Variants in KLRG1 observed in about 807,000 individuals in gnomAD.
KLRG1 encodes killer cell lectin like receptor G1, also known as killer cell lectin-like receptor subfamily G member 1.
A neutral mutation model predicts 21.8 loss-of-function variants in KLRG1; 16 were observed. The ratio of observed to expected loss-of-function variants is 0.73; its 90% CI spans 0.50 to 1.11. The LOEUF is 1.11. KLRG1 is among the 50% of genes most tolerant of loss of function. The pLI is 0.00. For missense variants in KLRG1, 173 were observed against 218.3 expected (o/e 0.79, Z 1.31); for synonymous variants, 69 against 75.9 (o/e 0.91, Z 0.47).
At chr12:9,099,550 G>A in the KLRG1 span, 2 of 1,577,342 alleles carry the variant, frequency 1.3e-6, no homozygotes, top group South Asian at 2.3e-5. Flanking sequence ...ATGAGAGGAA[G>A]CCATCATAGG....
the KLRG1 span, chr12:9,202,821 G>T: frequency 1.2e-6 from 1 of 810,082 alleles, no homozygotes; most frequent in East Asian, 2.6e-5. Context: ...TCAGACATAA[G>T]AGTGACGATA....
At chr12:9,182,219 A>T in the KLRG1 span, 1 of 1,115,726 alleles carries the variant, frequency 9.0e-7, no homozygotes, top group Non-Finnish European at 1.2e-6. Flanking sequence ...TCCACTTGAG[A>T]ACTGCGTCCA....
upstream of KLRG1, chr12:8,989,482 C>T: frequency 3.5e-6 from 2 of 579,242 alleles, no homozygotes. Context: ...ATAGGCAGCC[C>T]CCAAATTTGA....
chr12:9,037,167 T>C, the KLRG1 span: 1 of 155,714 alleles, frequency 6.4e-6, no homozygotes, highest in Non-Finnish European at 1.4e-5. Flanking sequence ...GCTTGCACTT[T>C]CTGCTCTGCT....
chr12:9,128,141 A>T, the KLRG1 span: 7 of 189,374 alleles, frequency 3.7e-5, no homozygotes, highest in Non-Finnish European at 7.9e-5. Context: ...TCACCTGGAG[A>T]AGAACCACAA....
At chr12:9,208,241 G>A in the KLRG1 span, 1 of 1,600,142 alleles carries the variant, frequency 6.2e-7, no homozygotes, top group Non-Finnish European at 8.6e-7. Flanking sequence ...GGAGGAAGGG[G>A]TCTTGAGTGA....
the KLRG1 span, chr12:9,201,257 G>T: frequency 1.4e-6 from 2 of 1,380,878 alleles, no homozygotes; most frequent in Non-Finnish European, 2.0e-6. Context: ...CATCTGTCTA[G>T]AGTATTATCA....
At chr12:9,202,029 G>A in the KLRG1 span, among the ~76,000 whole-genome samples, 1 of 152,080 alleles carries the variant, frequency 6.6e-6, no homozygotes, top group Non-Finnish European at 1.5e-5. Flanking sequence ...AGTATGAATA[G>A]GAATAGTGCC....
At chr12:9,106,287 TGA>T in the KLRG1 span, 1 of 1,607,732 alleles carries the variant, frequency 6.2e-7, no homozygotes, top group Non-Finnish European at 8.5e-7. Flanking sequence ...CTTTCACAAA[TGA>T]GAGTTTGGTT....
the KLRG1 span, chr12:9,182,132 G>GAGTGATACAAAATGGTCATA: frequency 6.4e-7 from 1 of 1,554,332 alleles, no homozygotes; most frequent in Non-Finnish European, 8.7e-7. Context: ...AACATGGAGA[G>GAGTGATACAAAATGGTCATA]AGTGAGACAA....
chr12:9,151,654 CAGAG>C, the KLRG1 span: 1 of 1,613,770 alleles, frequency 6.2e-7, no homozygotes, highest in Non-Finnish European at 8.5e-7. Context: ...GTCCGGCTCA[CAGAG>C]CTAGATCTTT....
the KLRG1 span, among the ~76,000 whole-genome samples, chr12:9,051,946 G>A: frequency 5.3e-5 from 8 of 152,150 alleles, no homozygotes; most frequent in Admixed American, 4.6e-4. Context: ...CTGTTCCTTC[G>A]TTTCCCACCA....
chr12:9,163,171 G>A, the KLRG1 span, among the ~76,000 whole-genome samples: 1 of 151,906 alleles, frequency 6.6e-6, no homozygotes, highest in East Asian at 1.9e-4. Context: ...GGAGAGAGGT[G>A]GAGATCAAGA....
intron 1 of KLRG1, among the ~76,000 whole-genome samples, chr12:8,966,845 A>G (rs1235666837): frequency 6.7e-6 from 1 of 149,474 alleles, no homozygotes; most frequent in Non-Finnish European, 1.5e-5. Flanking sequence ...GTATATACCC[A>G]AAGGACTATA....
intron 3 of KLRG1, among the ~76,000 whole-genome samples, chr12:8,996,121 G>A (rs762747424): frequency 1.3e-5 from 2 of 152,282 alleles, no homozygotes; most frequent in South Asian, 2.1e-4. Flanking sequence ...GCAATGTTGA[G>A]AAAGTTGGGA....
chr12:9,107,946 A>C, the KLRG1 span, among the ~76,000 whole-genome samples: 2 of 151,948 alleles, frequency 1.3e-5, no homozygotes. Flanking sequence ...AAGAGAAACA[A>C]TACCAGCAAG....
chr12:9,111,614 C>A, the KLRG1 span: 1 of 439,240 alleles, frequency 2.3e-6, no homozygotes, highest in Non-Finnish European at 4.5e-6. Flanking sequence ...GTCTTTGGAG[C>A]TAGAAGAGAA....
intron 1 of KLRG1, among the ~76,000 whole-genome samples, chr12:8,968,406 A>C (rs1216387279): frequency 2.0e-5 from 3 of 152,212 alleles, no homozygotes; most frequent in Non-Finnish European, 1.5e-5. Flanking sequence ...ATAATTTTAT[A>C]AGGATAAAAG....
chr12:9,197,652 TA>T, the KLRG1 span, among the ~76,000 whole-genome samples: 1 of 107,672 alleles, frequency 9.3e-6, no homozygotes, highest in Non-Finnish European at 1.7e-5. Context: ...TTATATAATA[TA>T]ATATAAAATT....
Sources: allele counts gnomAD v4.1 joint callset (sites outside exome capture counted in the v4.1 genomes callset), GRCh38; gene constraint gnomAD v4.1.1; transcripts MANE v1.5; gene names NCBI Gene and HGNC (gene_info 2026-07-23, HGNC 2026-07-21).